FRMD5: variants seen among roughly 807,000 people sequenced by gnomAD.
The protein encoded by FRMD5 is FERM domain-containing protein 5.
A neutral mutation model predicts 69.0 loss-of-function variants in FRMD5; 20 were observed. The observed-to-expected ratio is 0.29, with a 90% confidence interval of 0.20 to 0.42. The LOEUF is 0.42. Among genes scored for constraint, FRMD5 ranks in the 10% least tolerant of loss-of-function variants. The pLI is 1.00. For missense variants in FRMD5, 595 were observed against 708.6 expected, an observed-to-expected ratio of 0.84 and a Z score of 1.82; for synonymous variants, 271 against 260.1, an observed-to-expected ratio of 1.04 and a Z score of -0.40.
chr15:44,196,917 A>T (rs1401270082), upstream of FRMD5, among the ~76,000 whole-genome samples: 5 of 152,158 alleles, frequency 3.3e-5, no homozygotes, highest in Non-Finnish European at 7.3e-5. Context: ...GGAGTTAGTT[A>T]TGAGTCTAGA....
intron 1 of FRMD5, among the ~76,000 whole-genome samples, chr15:44,112,982 G>A (rs766164943): frequency 7.9e-5 from 12 of 152,182 alleles, no homozygotes; most frequent in Non-Finnish European, 1.5e-4. Flanking sequence ...AGCTTCATTA[G>A]TGAATACCTT....
chr15:44,173,483 A>G (rs1273798792), intron 1 of FRMD5, among the ~76,000 whole-genome samples: 1 of 152,110 alleles, frequency 6.6e-6, no homozygotes, highest in Non-Finnish European at 1.5e-5. Flanking sequence ...AAAAGAATAC[A>G]AGTAAATTAT....
At chr15:44,049,922 C>A (rs921780157) in intron 1 of FRMD5, among the ~76,000 whole-genome samples, 1 of 152,156 alleles carries the variant, frequency 6.6e-6, no homozygotes, top group African/African-American at 2.4e-5. Flanking sequence ...TAACCCTCTA[C>A]TTTATGATTT....
intron 1 of FRMD5, among the ~76,000 whole-genome samples, chr15:43,949,912 AAAG>A (rs1034601406): frequency 3.7e-4 from 56 of 152,250 alleles, no homozygotes; most frequent in African/African-American, 1.3e-3. Flanking sequence ...AAAAAGGATG[AAAG>A]AAGAAGACAT....
chr15:43,929,188 G>A (rs1396876054), intron 1 of FRMD5, among the ~76,000 whole-genome samples: 1 of 152,122 alleles, frequency 6.6e-6, no homozygotes, highest in Non-Finnish European at 1.5e-5. Flanking sequence ...GTTCTCTATG[G>A]TTTGCCTATT....
At chr15:43,970,477 T>C (rs1053209942) in intron 1 of FRMD5, among the ~76,000 whole-genome samples, 1 of 152,252 alleles carries the variant, frequency 6.6e-6, no homozygotes, top group Non-Finnish European at 1.5e-5. Flanking sequence ...TCTTTGTTGC[T>C]GTTGTCGTTG....
chr15:44,052,850 G>T (rs1892725367), intron 1 of FRMD5, among the ~76,000 whole-genome samples: 1 of 152,106 alleles, frequency 6.6e-6, no homozygotes, highest in African/African-American at 2.4e-5. Flanking sequence ...TATATTGAGG[G>T]TCTAGTATGT....
intron 1 of FRMD5, among the ~76,000 whole-genome samples, chr15:44,012,028 T>C (rs1386410976): frequency 6.6e-6 from 1 of 152,244 alleles, no homozygotes; most frequent in Non-Finnish European, 1.5e-5. Flanking sequence ...TGCTTGACTC[T>C]TCTTTTTCCT....
chr15:44,198,326 C>CAAA (rs35320478), upstream of FRMD5, among the ~76,000 whole-genome samples: 11 of 96,624 alleles, frequency 1.1e-4, no homozygotes, highest in Non-Finnish European at 1.4e-4. Context: ...GATCCTGTCT[C>CAAA]AAAAAAAAAA....
intron 1 of FRMD5, among the ~76,000 whole-genome samples, chr15:43,933,963 GTCCTA>G (rs2089718211): frequency 6.6e-6 from 1 of 152,196 alleles, no homozygotes; most frequent in Non-Finnish European, 1.5e-5. Flanking sequence ...TCCAGAACAT[GTCCTA>G]TCCTGGCCTT....
chr15:44,165,986 T>C (rs960712874), intron 1 of FRMD5, among the ~76,000 whole-genome samples: 3 of 152,154 alleles, frequency 2.0e-5, no homozygotes, highest in Non-Finnish European at 4.4e-5. Flanking sequence ...GTATAAAAAT[T>C]ATTTTCTTCT....
rs1483179535 is a variant in FRMD5, at chr15:43,946,042, G to A, written c.103-21733C>T. The stretch of plus-strand genomic sequence containing the variant: ...TGCACTCCAGCCTGGGCAACAGAGC[G>A]AGACTCTGTCTCAAAAAAAAAAAAA... On this transcript the variant is annotated intron_variant, in intron 1 of 13. Coordinates refer to ENST00000417257, the MANE Select transcript of FRMD5 (RefSeq NM_032892.5). 4.6e-5 allele frequency among the ~76,000 whole-genome samples: 7 copies of A among 151,212 alleles called. No homozygotes were observed. In the East Asian group the frequency reaches 7.7e-4, roughly 17 times the overall value.
intron 1 of FRMD5, among the ~76,000 whole-genome samples, chr15:43,956,216 A>C (rs1478219210): frequency 6.6e-6 from 1 of 152,200 alleles, no homozygotes; most frequent in Non-Finnish European, 1.5e-5. Context: ...AAAAGAAATT[A>C]CTTTGCGGAA....
rs374046585 is a variant in FRMD5 at position 43,989,075 on chromosome 15, G to A, written c.103-64766C>T. On this transcript the variant is annotated intron_variant, in intron 1 of 13. Transcript: ENST00000417257. Reference sequence around the variant, plus strand: ...TCACAGTCCGCCTAGAAGCATCTGCGGTGGATGATGGAGGTGCCTGACTCA... The same window carrying A: ...TCACAGTCCGCCTAGAAGCATCTGCAGTGGATGATGGAGGTGCCTGACTCA... 4.3e-5 allele frequency: 39 copies of A among 909,580 alleles called. 1 individual carries two copies. The East Asian group carries it at 6.4e-4, about 15-fold the overall frequency. The allele number at this position is 909,580 out of a possible 1,614,324, so 56.3% of individuals were successfully genotyped here.
intron 4 of FRMD5, chr15:43,919,168 G>A: frequency 3.9e-6 from 2 of 512,286 alleles, no homozygotes; most frequent in Non-Finnish European, 7.6e-6. Context: ...AACATCATAG[G>A]TAAAAGAAAA....
At chr15:44,192,468 T>A (rs902141606) in intron 1 of FRMD5, among the ~76,000 whole-genome samples, 4 of 152,160 alleles carry the variant, frequency 2.6e-5, no homozygotes, top group Non-Finnish European at 5.9e-5. Context: ...CCATAAAATA[T>A]ACAGTGCTAC....
intron 1 of FRMD5, among the ~76,000 whole-genome samples, chr15:44,045,500 G>A (rs529042609): frequency 2.2e-4 from 33 of 152,090 alleles, no homozygotes; most frequent in African/African-American, 8.0e-4. Context: ...ATTAAAAAAA[G>A]CAAAAACAGG....
chr15:44,101,187 A>C (rs114515798), intron 1 of FRMD5, among the ~76,000 whole-genome samples: 5,000 of 151,958 alleles, frequency 0.033, 267 homozygotes, highest in African/African-American at 0.11. Context: ...AGAAAAAAGA[A>C]AAGAAGGAAA....
intron 7 of FRMD5, among the ~76,000 whole-genome samples, chr15:43,900,619 G>T (rs678513): frequency 0.27 from 38,973 of 141,958 alleles, 10,063 homozygotes; most frequent in African/African-American, 0.68. Context: ...TTCATTCCTG[G>T]TTTTTTTTTT....
Sources: gnomAD v4.1 joint callset for allele counts (sites outside exome capture counted in the v4.1 genomes callset) on GRCh38, gnomAD v4.1.1 for gene constraint, MANE v1.5 for transcripts, NCBI Gene and HGNC (gene_info 2026-07-23, HGNC 2026-07-21) for gene names.